IPO9: variants seen among roughly 807,000 people sequenced by gnomAD.
IPO9 encodes importin 9.
In IPO9, 28 loss-of-function variants were observed where a neutral mutation model predicts 128.6. The observed-to-expected ratio is 0.22, with a 90% confidence interval of 0.16 to 0.30. The LOEUF (loss-of-function observed/expected upper bound fraction) is 0.30. IPO9 is among the 10% of genes least tolerant of loss of function. The probability of loss-of-function intolerance (pLI) is 1.00; values close to 1 mark genes in which losing one functional copy is unlikely to be tolerated. For synonymous variants in IPO9, 455 were observed against 475.8 expected (o/e 0.96, Z 0.57); for missense variants, 935 against 1,293.9 (o/e 0.72, Z 4.26).
At chr1:201,844,454 G>A (rs1363218126) in intron 1 of IPO9, among the ~76,000 whole-genome samples, 1 of 152,080 alleles carries the variant, frequency 6.6e-6, no homozygotes, top group African/African-American at 2.4e-5. Context: ...AGAAACTAAG[G>A]AGACATGGCA....
rs549129668 is a variant in IPO9, at chr1:201,844,664, T to C, written c.164-2615T>C. Among the ~76,000 whole-genome samples the C allele has an allele frequency of 8.6e-4, 131 of 152,370 alleles. 1 individual carries two copies. In the Middle Eastern group the frequency reaches 0.024, roughly 28 times the overall value. ...GTACTGTTCAGCTTTTCTGTAAGTC[T>C]TTAAAAATTATTTTGTAAAATATGG... is the stretch of plus-strand genomic sequence containing the variant. On this transcript the variant is annotated intron_variant, in intron 1 of 23. Transcript: ENST00000361565.
intron 1 of IPO9, among the ~76,000 whole-genome samples, chr1:201,841,630 G>A (rs1170615467): frequency 6.6e-6 from 1 of 152,166 alleles, no homozygotes; most frequent in Non-Finnish European, 1.5e-5. Context: ...GGGTTCCTTG[G>A]AGGAGAAGTT....
At chr1:201,868,500 A>C in intron 15 of IPO9, 148 bp from the exon 16 acceptor site, 1 of 698,096 alleles carries the variant, frequency 1.4e-6, no homozygotes, top group Middle Eastern at 4.2e-4. Flanking sequence ...CAGGTTATTC[A>C]TGTGGCCCCA....
Position 201,876,090 on chromosome 1 carries a change from C to T in IPO9, c.*36C>T. ...CTTTCTACATTTGCTCCTTCTGGGCCAGCCGCAAACCATTTTGCAGCCCTC... is the reference window on the plus strand; with the variant it reads ...CTTTCTACATTTGCTCCTTCTGGGCTAGCCGCAAACCATTTTGCAGCCCTC... On this transcript the variant is annotated 3_prime_UTR_variant, in exon 24 of 24. Coordinates refer to ENST00000361565, the MANE Select transcript of IPO9 (RefSeq NM_018085.5). The T allele has an allele frequency of 7.3e-7, 1 of 1,378,818 alleles. No individual in the cohort carries two copies. Among genetic ancestry groups the T allele is most frequent in the African/African-American group, 1.4e-5 (1 of 70,272 alleles). The allele number at this position is 1,378,818 out of a possible 1,614,324, so 85.4% of individuals were successfully genotyped here. A position where few individuals can be genotyped will look rare whatever the true frequency, so the allele number is the denominator to read the frequency against.
chr1:201,874,984 C>A, intron 22 of IPO9, 48 bp downstream of exon 22: 1 of 1,448,804 alleles, frequency 6.9e-7, no homozygotes, highest in Non-Finnish European at 9.7e-7. Context: ...CTTTTCTTTG[C>A]ACACTGATCC....
chr1:201,846,361 T>TTTTTG (rs1417905896), intron 1 of IPO9, among the ~76,000 whole-genome samples: 1 of 152,162 alleles, frequency 6.6e-6, no homozygotes, highest in African/African-American at 2.4e-5. Context: ...TGATATTTTG[T>TTTTTG]TTTTGTTTTG....
chr1:201,848,645 G>A (rs1680162228), intron 4 of IPO9, 51 bp downstream of exon 4: 3 of 1,570,752 alleles, frequency 1.9e-6, no homozygotes, highest in Non-Finnish European at 2.6e-6. Context: ...CAAGCGACAG[G>A]AGTATTACCA....
chr1:201,866,486 A>AC (rs1680556168), intron 14 of IPO9, among the ~76,000 whole-genome samples: 1 of 151,660 alleles, frequency 6.6e-6, no homozygotes, highest in South Asian at 2.1e-4. Context: ...GCAAAAAAAA[A>AC]AAACCTCAAG....
chr1:201,855,231 A>C, intron 9 of IPO9, 49 bp downstream of exon 9: 8 of 1,236,952 alleles, frequency 6.5e-6, no homozygotes, highest in Non-Finnish European at 8.3e-6. Context: ...GTGGGAAAAG[A>C]AAAAGAAGCC....
chr1:201,868,525 T>G, intron 15 of IPO9, 123 bp from the exon 16 acceptor site: 1 of 987,776 alleles, frequency 1.0e-6, no homozygotes, highest in Non-Finnish European at 1.4e-6. Flanking sequence ...GTCCCGGGTA[T>G]GTGATAAGTA....
intron 4 of IPO9, among the ~76,000 whole-genome samples, chr1:201,851,017 T>C (rs1318914099): frequency 6.6e-6 from 1 of 151,970 alleles, no homozygotes; most frequent in Non-Finnish European, 1.5e-5. Context: ...TAGTTTTATT[T>C]ATTTATTTAT....
chr1:201,855,770 G>A lies in IPO9; in HGVS notation c.971-13G>A. On this transcript the variant is annotated splice_polypyrimidine_tract_variant and intron_variant, in intron 9 of 23. Coordinates refer to ENST00000361565, the MANE Select transcript of IPO9 (RefSeq NM_018085.5). The stretch of plus-strand genomic sequence containing the variant: ...TCTTGTCATTAATTTCTTCTCTTCT[G>A]TATTTCCTGCAGGTGAAGTCCTGGG... 1 of 1,604,760 alleles carries A rather than the reference G, an allele frequency of 6.2e-7. No individual in the cohort carries two copies.
intron 1 of IPO9, among the ~76,000 whole-genome samples, chr1:201,832,625 C>G (rs1679856056): frequency 6.6e-6 from 1 of 152,214 alleles, no homozygotes. Flanking sequence ...TATTTGTGTT[C>G]TGGTAATCTT....
intron 2 of IPO9, 28 bp downstream of exon 2, chr1:201,847,368 A>AT (rs1211154006): frequency 1.3e-6 from 2 of 1,594,234 alleles, no homozygotes; most frequent in Non-Finnish European, 1.7e-6. Context: ...CAATTTATAA[A>AT]TAGTTTCCCT....
chr1:201,849,085 TTG>T (rs1269581826), intron 4 of IPO9, among the ~76,000 whole-genome samples: 3 of 152,224 alleles, frequency 2.0e-5, no homozygotes, highest in Non-Finnish European at 4.4e-5. Flanking sequence ...AAGTTAAGAA[TTG>T]TAAAATGGAT....
chr1:201,875,922 C>A (rs112224534), intron 23 of IPO9, 22 bp from the exon 24 acceptor site: 2 of 1,451,980 alleles, frequency 1.4e-6, no homozygotes, highest in African/African-American at 1.4e-5. Context: ...CTCACTAATG[C>A]CACTCTTGCT....
At chr1:201,852,943 T>C (rs2102877394) in intron 5 of IPO9, 68 bp from the exon 6 acceptor site, 1 of 1,223,968 alleles carries the variant, frequency 8.2e-7, no homozygotes, top group East Asian at 2.3e-5. Context: ...ACTTCTAGTC[T>C]GAGATACACA....
chr1:201,858,824 T>C (rs779729706), intron 12 of IPO9, 31 bp from the exon 13 acceptor site: 3 of 1,573,584 alleles, frequency 1.9e-6, no homozygotes, highest in Non-Finnish European at 2.6e-6. Flanking sequence ...CAGTTTAGTA[T>C]GTTTTACTAG....
intron 1 of IPO9, among the ~76,000 whole-genome samples, chr1:201,840,643 A>G (rs536011665): frequency 1.3e-5 from 2 of 152,350 alleles, no homozygotes; most frequent in Admixed American, 6.5e-5. Flanking sequence ...CTAACTGTCC[A>G]TACAGAGGAG....
Sources: gnomAD v4.1 joint callset for allele counts (sites outside exome capture counted in the v4.1 genomes callset) on GRCh38, gnomAD v4.1.1 for gene constraint, MANE v1.5 for transcripts, NCBI Gene and HGNC (gene_info 2026-07-23, HGNC 2026-07-21) for gene names.